The following EPB41L2 variants were observed in gnomAD, a reference collection of about 807,000 sequenced individuals.
The protein encoded by EPB41L2 is erythrocyte membrane protein band 4.1 like 2.
Under a neutral mutation model 113.0 loss-of-function variants are expected in EPB41L2, and 43 were observed. The ratio of observed to expected loss-of-function variants is 0.38; its 90% CI spans 0.30 to 0.49. EPB41L2 has a LOEUF of 0.49. Among genes scored for constraint, EPB41L2 ranks in the 20% least tolerant of loss-of-function variants. The pLI is 0.95. For synonymous variants in EPB41L2, 442 were observed against 436.7 expected (o/e 1.01, Z -0.15); for missense variants, 1,147 against 1,223.4 (o/e 0.94, Z 0.93).
chr6:130,863,582 G>A (rs1254334767), intron 18 of EPB41L2, 56 bp downstream of exon 18: 3 of 1,255,408 alleles, frequency 2.4e-6, no homozygotes, highest in African/African-American at 3.0e-5. Context: ...GATGACAAAT[G>A]TGAAACTTAG....
intron 19 of EPB41L2, among the ~76,000 whole-genome samples, chr6:130,845,041 A>T (rs1253250233): frequency 6.6e-6 from 1 of 152,250 alleles, no homozygotes; most frequent in Non-Finnish European, 1.5e-5. Flanking sequence ...GACTGTCTCA[A>T]ATAAACAAAT....
chr6:130,878,457 G>T, intron 13 of EPB41L2: 1 of 490,002 alleles, frequency 2.0e-6, no homozygotes, highest in Non-Finnish European at 3.5e-6. Flanking sequence ...TAAAGTCAAT[G>T]CGTACTTCTT....
chr6:131,029,896 T>C (rs1434641688), intron 1 of EPB41L2, among the ~76,000 whole-genome samples: 1 of 6,982 alleles, frequency 1.4e-4, no homozygotes, highest in Non-Finnish European at 2.5e-4. Context: ...GATTTTTCTC[T>C]TTTTTTCTTT....
At chr6:131,039,449 C>T (rs1584715682) in intron 1 of EPB41L2, among the ~76,000 whole-genome samples, 1 of 152,074 alleles carries the variant, frequency 6.6e-6, no homozygotes, top group Admixed American at 6.6e-5. Context: ...AACCAAATAG[C>T]GAAACAGTTT....
At chr6:131,002,177 G>C (rs1490207095) in intron 1 of EPB41L2, among the ~76,000 whole-genome samples, 1 of 151,972 alleles carries the variant, frequency 6.6e-6, no homozygotes, top group Non-Finnish European at 1.5e-5. Flanking sequence ...TTTTTTCAGA[G>C]GCATTCCTTC....
intron 1 of EPB41L2, among the ~76,000 whole-genome samples, chr6:130,969,305 C>T (rs1234942189): frequency 1.3e-5 from 2 of 152,168 alleles, no homozygotes; most frequent in African/African-American, 4.8e-5. Context: ...TAGAGCATCC[C>T]TAACAGTGTC....
intron 1 of EPB41L2, among the ~76,000 whole-genome samples, chr6:130,969,717 G>C (rs548218939): frequency 2.6e-5 from 4 of 152,210 alleles, no homozygotes; most frequent in Admixed American, 2.0e-4. Flanking sequence ...AATCAAACAA[G>C]TTAGGGTGAA....
chr6:130,909,868 G>T (rs1286564809), intron 4 of EPB41L2, among the ~76,000 whole-genome samples: 2 of 152,174 alleles, frequency 1.3e-5, no homozygotes, highest in African/African-American at 4.8e-5. Flanking sequence ...ACTGCACAAG[G>T]AAATAAGAGA....
Position 130,994,712 on chromosome 6 carries a change from T to C in EPB41L2, c.-14-38213A>G, listed in dbSNP as rs567151001. Among the ~76,000 whole-genome samples the C allele has an allele frequency of 5.3e-5, 8 of 152,308 alleles. No homozygotes were observed. In the South Asian group the frequency reaches 1.7e-3, roughly 32 times the overall value. ...TAAACATATAGAAAAGTATAGGTACTGTGAAAAACATAAATCTTGGGGCCC... is the reference window on the plus strand; with the variant it reads ...TAAACATATAGAAAAGTATAGGTACCGTGAAAAACATAAATCTTGGGGCCC... On this transcript the variant is annotated intron_variant, in intron 1 of 19. Transcript: ENST00000337057.
chr6:131,040,659 G>A (rs543303960), intron 1 of EPB41L2, among the ~76,000 whole-genome samples: 1 of 152,140 alleles, frequency 6.6e-6, no homozygotes, highest in East Asian at 1.9e-4. Context: ...AGTATCAAAG[G>A]GAAAACTATA....
intron 14 of EPB41L2, 94 bp from the exon 15 acceptor site, chr6:130,870,220 G>A: frequency 6.6e-7 from 1 of 1,525,300 alleles, no homozygotes; most frequent in South Asian, 1.2e-5. Flanking sequence ...TTCATGTCAT[G>A]GAGAAAAACA....
intron 1 of EPB41L2, among the ~76,000 whole-genome samples, chr6:130,967,008 A>G (rs1423435135): frequency 6.6e-6 from 1 of 152,078 alleles, no homozygotes; most frequent in Non-Finnish European, 1.5e-5. Flanking sequence ...TTGTTCCCCT[A>G]AGTAGTTTAA....
At chr6:131,012,588 T>G (rs1017714493) in intron 1 of EPB41L2, among the ~76,000 whole-genome samples, 1 of 150,898 alleles carries the variant, frequency 6.6e-6, no homozygotes, top group African/African-American at 2.4e-5. Context: ...GAGAAAAAGA[T>G]TATGCCATAT....
chr6:131,003,440 C>T (rs184990986), intron 1 of EPB41L2, among the ~76,000 whole-genome samples: 2 of 152,328 alleles, frequency 1.3e-5, no homozygotes, highest in Admixed American at 1.3e-4. Flanking sequence ...AATCAGAGCT[C>T]TTCAGCCTCT....
chr6:130,936,341 A>AC (rs532051897), intron 3 of EPB41L2, among the ~76,000 whole-genome samples: 9 of 152,332 alleles, frequency 5.9e-5, no homozygotes, highest in Admixed American at 5.9e-4. Flanking sequence ...TTGTAACACA[A>AC]CTGGTTATAG....
At chr6:130,995,660 G>A (rs1456320190) in intron 1 of EPB41L2, among the ~76,000 whole-genome samples, 1 of 152,142 alleles carries the variant, frequency 6.6e-6, no homozygotes, top group Non-Finnish European at 1.5e-5. Flanking sequence ...GATATTCGGG[G>A]TTCATAGTAC....
intron 1 of EPB41L2, among the ~76,000 whole-genome samples, chr6:131,012,262 C>T (rs1486142693): frequency 2.0e-5 from 3 of 151,494 alleles, no homozygotes; most frequent in South Asian, 4.2e-4. Context: ...AAAAAAATCT[C>T]ATGAAGTCAG....
At chr6:131,016,848 C>CAA (rs10687764) in intron 1 of EPB41L2, among the ~76,000 whole-genome samples, 7,302 of 140,632 alleles carry the variant, frequency 0.052, 312 homozygotes, top group African/African-American at 0.12. Context: ...TATTCGCACA[C>CAA]AAAAAAAAAA....
At chr6:130,974,117 G>T (rs1196527345) in intron 1 of EPB41L2, among the ~76,000 whole-genome samples, 1 of 152,114 alleles carries the variant, frequency 6.6e-6, no homozygotes, top group African/African-American at 2.4e-5. Context: ...AACCCACAAT[G>T]TGATGGAGGT....
Sources: allele counts gnomAD v4.1 joint callset (sites outside exome capture counted in the v4.1 genomes callset), GRCh38; gene constraint gnomAD v4.1.1; transcripts MANE v1.5; gene names NCBI Gene and HGNC (gene_info 2026-07-23, HGNC 2026-07-21).